Variants in DNAH14 observed in about 807,000 individuals in gnomAD.
DNAH14 encodes the protein axonemal beta dynein heavy chain 14.
In DNAH14, 478 loss-of-function variants were observed where a neutral mutation model predicts 520.9. That is an observed-to-expected ratio of 0.92 (90% CI 0.85 to 0.99). DNAH14 has a LOEUF of 0.99. Ranked by LOEUF, DNAH14 falls within the 50% of genes least tolerant of loss-of-function variation. The pLI is 0.00. For missense variants in DNAH14, 4,831 were observed against 5,234.5 expected (o/e 0.92, Z 2.38); for synonymous variants, 1,581 against 1,757.2 (o/e 0.90, Z 2.51).
chr1:225,079,139 A>G (rs1050457820), intron 17 of DNAH14, 68 bp from the exon 18 acceptor site: 10 of 1,348,556 alleles, frequency 7.4e-6, no homozygotes, highest in Non-Finnish European at 9.1e-6. Context: ...GAGAAATTAA[A>G]AAGAGTAATT....
chr1:224,968,847 G>A lies in DNAH14; in HGVS notation c.740G>A (p.Arg247Gln), dbSNP rs569064359. ...GAAAGAAGACATTACTATTTATTAC[G>A]GCAATTCAAGATATTTTCTGATTTC... ...LSERRHYYLLRQFKIFSDFRM... is the reference protein window; with the variant it reads ...LSERRHYYLLQQFKIFSDFRM... Residue 247 changes from arginine (R) to glutamine (Q), a missense_variant, in exon 7 of 86, where the codon CGG becomes CAG. Coordinates refer to ENST00000682510, the MANE Select transcript of DNAH14 (RefSeq NM_001367479.1). 341 of 1,541,612 alleles carry A rather than the reference G, an allele frequency of 2.2e-4. No homozygotes were observed. Among genetic ancestry groups the A allele is most frequent in the Middle Eastern group, 1.5e-3 (9 of 5,962 alleles).
chr1:225,360,659 A>G (rs1255629744), intron 74 of DNAH14, 22 bp from the exon 75 acceptor site: 1 of 1,537,616 alleles, frequency 6.5e-7, no homozygotes, highest in South Asian at 1.2e-5. Flanking sequence ...AGTTTTATAT[A>G]CCTCTCCACG....
chr1:225,163,266 C>T (rs2081708624), intron 35 of DNAH14, among the ~76,000 whole-genome samples: 1 of 151,898 alleles, frequency 6.6e-6, no homozygotes, highest in South Asian at 2.1e-4. Flanking sequence ...GGTAGCGTCT[C>T]CAAGTTTTTC....
At position 225,059,733 on chromosome 1, in the gene DNAH14, A is replaced by G. The variant is rs2069746312; in HGVS notation, c.2424+7938A>G. ...TTAGGGCAGGCCTGGTGGTGACAAAATCTCTCAGCATTTGCTTGTCTGTAA... is the reference window on the plus strand; with the variant it reads ...TTAGGGCAGGCCTGGTGGTGACAAAGTCTCTCAGCATTTGCTTGTCTGTAA... On this transcript the variant is annotated intron_variant, in intron 17 of 85. Transcript: ENST00000682510. Among the ~76,000 whole-genome samples, 5 of 152,138 alleles carry G rather than the reference A, an allele frequency of 3.3e-5. No homozygotes were observed. The East Asian group carries it at 9.7e-4, about 29-fold the overall frequency.
chr1:225,201,281 T>C (rs2086789286), intron 38 of DNAH14, among the ~76,000 whole-genome samples: 1 of 152,150 alleles, frequency 6.6e-6, no homozygotes, highest in South Asian at 2.1e-4. Flanking sequence ...GTGTTATTTT[T>C]TGACTTCCTT....
At chr1:225,091,684 A>AAT (rs2074408295) in intron 21 of DNAH14, among the ~76,000 whole-genome samples, 1 of 152,142 alleles carries the variant, frequency 6.6e-6, no homozygotes, top group African/African-American at 2.4e-5. Context: ...AAGTCTGAAT[A>AAT]ATACCCGGCC....
At chr1:225,144,354 T>A in intron 28 of DNAH14, 43 bp from the exon 29 acceptor site, 2 of 1,401,900 alleles carry the variant, frequency 1.4e-6, no homozygotes, top group Non-Finnish European at 2.0e-6. Flanking sequence ...TACATAAAAA[T>A]AATTTAACCA....
intron 17 of DNAH14, among the ~76,000 whole-genome samples, chr1:225,074,977 G>T (rs571523003): frequency 9.9e-5 from 15 of 152,276 alleles, no homozygotes; most frequent in African/African-American, 3.6e-4. Context: ...TATATATGGG[G>T]GTCTAACCTC....
intron 23 of DNAH14, among the ~76,000 whole-genome samples, chr1:225,110,085 A>G (rs888367997): frequency 1.3e-5 from 2 of 152,032 alleles, no homozygotes; most frequent in South Asian, 2.1e-4. Flanking sequence ...TTTGGTTTGC[A>G]TGCATTTTGT....
intron 49 of DNAH14, among the ~76,000 whole-genome samples, chr1:225,269,806 TAA>T (rs2093256498): frequency 6.6e-6 from 1 of 152,130 alleles, no homozygotes; most frequent in Non-Finnish European, 1.5e-5. Context: ...TGGCGATCAT[TAA>T]AAAGTCAGGA....
At chr1:225,376,663 C>A (rs988452079) in intron 78 of DNAH14, among the ~76,000 whole-genome samples, 1 of 152,184 alleles carries the variant, frequency 6.6e-6, no homozygotes, top group Non-Finnish European at 1.5e-5. Context: ...AGCTTGCCAG[C>A]TCTTCCTGTT....
At chr1:225,353,717 A>G (rs887639166) in intron 72 of DNAH14, 86 bp from the exon 73 acceptor site, 4 of 760,020 alleles carry the variant, frequency 5.3e-6, no homozygotes, top group Non-Finnish European at 8.6e-6. Flanking sequence ...TCACAATTTT[A>G]TGACAGAAAT....
intron 66 of DNAH14, among the ~76,000 whole-genome samples, chr1:225,336,119 A>G (rs895071572): frequency 1.3e-5 from 2 of 149,732 alleles, no homozygotes; most frequent in African/African-American, 4.9e-5. Flanking sequence ...AAGACTACAC[A>G]TATGTATGTG....
At chr1:225,163,488 G>A (rs4653607) in intron 35 of DNAH14, among the ~76,000 whole-genome samples, 19,438 of 151,956 alleles carry the variant, frequency 0.13, 1,395 homozygotes, top group East Asian at 0.31. Flanking sequence ...GATACTAGCT[G>A]TGGGTCTGTC....
intron 43 of DNAH14, among the ~76,000 whole-genome samples, chr1:225,242,686 A>T (rs74736312): frequency 0.049 from 7,467 of 152,308 alleles, 289 homozygotes; most frequent in Non-Finnish European, 0.073. Context: ...TAATGATAAA[A>T]AGTATATTGT....
At chr1:225,087,575 G>C (rs1041384833) in intron 21 of DNAH14, among the ~76,000 whole-genome samples, 3 of 152,302 alleles carry the variant, frequency 2.0e-5, no homozygotes, top group South Asian at 4.1e-4. Flanking sequence ...AAACAAACAA[G>C]GTAAGCCCTG....
chr1:225,248,511 T>G (rs1013081268), intron 43 of DNAH14, among the ~76,000 whole-genome samples: 2 of 152,174 alleles, frequency 1.3e-5, no homozygotes, highest in Non-Finnish European at 2.9e-5. Flanking sequence ...ATAAATCTAA[T>G]AAATTAATTT....
chr1:225,188,198 C>T (rs1262178390), intron 37 of DNAH14, among the ~76,000 whole-genome samples: 1 of 151,844 alleles, frequency 6.6e-6, no homozygotes, highest in African/African-American at 2.4e-5. Flanking sequence ...TACTCATGGT[C>T]AACTGTGGTC....
At chr1:225,012,558 C>T (rs1301138255) in intron 10 of DNAH14, among the ~76,000 whole-genome samples, 2 of 152,112 alleles carry the variant, frequency 1.3e-5, no homozygotes, top group African/African-American at 4.8e-5. Context: ...AGTGTGTTTT[C>T]CCACTGGGTT....
Sources: gnomAD v4.1 joint callset for allele counts (sites outside exome capture counted in the v4.1 genomes callset) on GRCh38, gnomAD v4.1.1 for gene constraint, MANE v1.5 for transcripts, NCBI Gene and HGNC (gene_info 2026-07-23, HGNC 2026-07-21) for gene names.